The following CNTNAP2 variants were observed in gnomAD, a reference collection of about 807,000 sequenced individuals.
The protein encoded by CNTNAP2 is contactin associated protein 2, also known as contactin-associated protein-like 2.
CNTNAP2 carries 98 observed loss-of-function variants against 155.2 expected under a neutral mutation model. The observed-to-expected ratio is 0.63, with a 90% CI of 0.54 to 0.75. CNTNAP2 has a LOEUF of 0.75. CNTNAP2 is among the 30% of genes least tolerant of loss of function. The pLI is 0.00. For missense variants in CNTNAP2, 1,727 were observed against 1,688.1 expected, an observed-to-expected ratio of 1.02 and a Z score of -0.40; for synonymous variants, 651 against 631.2, an observed-to-expected ratio of 1.03 and a Z score of -0.47.
intron 4 of CNTNAP2, among the ~76,000 whole-genome samples, chr7:147,084,666 A>G (rs1563071119): frequency 6.8e-6 from 1 of 147,416 alleles, no homozygotes; most frequent in African/African-American, 2.5e-5. Context: ...ACTATATAAT[A>G]TATAGCATAT....
intron 13 of CNTNAP2, among the ~76,000 whole-genome samples, chr7:147,667,323 C>A (rs1040886655): frequency 2.0e-5 from 3 of 152,118 alleles, no homozygotes; most frequent in Admixed American, 2.0e-4. Context: ...AAACCAATGC[C>A]TTAAAGCACT....
chr7:146,581,143 A>G (rs1798605466), intron 1 of CNTNAP2, among the ~76,000 whole-genome samples: 1 of 152,072 alleles, frequency 6.6e-6, no homozygotes, highest in South Asian at 2.1e-4. Flanking sequence ...AAACATACGG[A>G]CCCAAGAATT....
intron 8 of CNTNAP2, among the ~76,000 whole-genome samples, chr7:147,279,648 T>C (rs1232274752): frequency 6.6e-6 from 1 of 151,866 alleles, no homozygotes; most frequent in Non-Finnish European, 1.5e-5. Context: ...TTTCCTTATG[T>C]TGCTTCATAA....
chr7:147,909,535 G>A lies in CNTNAP2; in HGVS notation c.2255+5814G>A, dbSNP rs190146290. Among the ~76,000 whole-genome samples, 293 of 152,172 alleles carry A rather than the reference G, an allele frequency of 1.9e-3. 2 individuals carry two copies. The South Asian group carries it at 0.029, about 15-fold the overall frequency. On this transcript the variant is annotated intron_variant, in intron 14 of 23. Coordinates refer to ENST00000361727, the MANE Select transcript of CNTNAP2 (RefSeq NM_014141.6). Reference sequence around the variant, plus strand: ...AATAATTGCCTGATTATCTATGCTGGGAGAAGTTTTGCGCAGTTATTTCTG... The same window carrying A: ...AATAATTGCCTGATTATCTATGCTGAGAGAAGTTTTGCGCAGTTATTTCTG...
chr7:146,461,800 A>G (rs73462749), intron 1 of CNTNAP2, among the ~76,000 whole-genome samples: 1 of 152,192 alleles, frequency 6.6e-6, no homozygotes, highest in East Asian at 1.9e-4. Flanking sequence ...TAAAAGTCAC[A>G]TAATGCTTTC....
intron 1 of CNTNAP2, among the ~76,000 whole-genome samples, chr7:146,690,539 AAAT>A (rs1800680900): frequency 6.6e-6 from 1 of 152,164 alleles, no homozygotes; most frequent in Non-Finnish European, 1.5e-5. Context: ...AGATTTAAAT[AAAT>A]GTTTTGTATA....
At chr7:146,504,632 C>T (rs1049422155) in intron 1 of CNTNAP2, among the ~76,000 whole-genome samples, 2 of 152,138 alleles carry the variant, frequency 1.3e-5, no homozygotes, top group Non-Finnish European at 2.9e-5. Context: ...ACACCTGCTC[C>T]AGGGATGGTT....
intron 9 of CNTNAP2, among the ~76,000 whole-genome samples, chr7:147,342,849 G>T (rs1433238491): frequency 2.0e-5 from 3 of 152,036 alleles, no homozygotes; most frequent in African/African-American, 7.2e-5. Flanking sequence ...AACTAAGGGT[G>T]CTCCCAAAGT....
intron 12 of CNTNAP2, among the ~76,000 whole-genome samples, chr7:147,602,195 T>C (rs962429894): frequency 6.6e-6 from 1 of 152,076 alleles, no homozygotes; most frequent in African/African-American, 2.4e-5. Context: ...AAAAAAATGC[T>C]ACCTGTTGAA....
chr7:148,112,088 T>G (rs1045933396), intron 15 of CNTNAP2, among the ~76,000 whole-genome samples: 1 of 152,116 alleles, frequency 6.6e-6, no homozygotes, highest in Non-Finnish European at 1.5e-5. Context: ...AGAAGATGCC[T>G]CCAGGGGACA....
intron 13 of CNTNAP2, among the ~76,000 whole-genome samples, chr7:147,879,281 C>T (rs771806211): frequency 1.6e-4 from 24 of 152,196 alleles, no homozygotes; most frequent in African/African-American, 2.7e-4. Context: ...TGGACTTTGA[C>T]GACGAAGGCA....
chr7:147,752,638 T>G (rs1041490397), intron 13 of CNTNAP2, among the ~76,000 whole-genome samples: 18 of 152,180 alleles, frequency 1.2e-4, no homozygotes, highest in Non-Finnish European at 2.6e-4. Flanking sequence ...GGTAGATATT[T>G]GAAGTTGTGG....
At chr7:148,059,378 G>T (rs1375705871) in intron 15 of CNTNAP2, among the ~76,000 whole-genome samples, 2 of 152,044 alleles carry the variant, frequency 1.3e-5, no homozygotes, top group Non-Finnish European at 2.9e-5. Flanking sequence ...GATCACCTGA[G>T]GTCAGGAGTT....
intron 12 of CNTNAP2, among the ~76,000 whole-genome samples, chr7:147,617,526 T>C (rs1429427358): frequency 6.6e-6 from 1 of 152,118 alleles, no homozygotes; most frequent in Non-Finnish European, 1.5e-5. Flanking sequence ...TTTTAAAAAG[T>C]CTAAAATAGT....
intron 3 of CNTNAP2, among the ~76,000 whole-genome samples, chr7:147,012,217 A>G (rs1280311530): frequency 2.0e-5 from 3 of 152,114 alleles, no homozygotes; most frequent in East Asian, 3.9e-4. Context: ...TAATTGGGGA[A>G]CTCTAAATAA....
intron 13 of CNTNAP2, among the ~76,000 whole-genome samples, chr7:147,806,848 G>T (rs1490359786): frequency 6.6e-6 from 1 of 152,140 alleles, no homozygotes; most frequent in African/African-American, 2.4e-5. Context: ...CTTTAGGAAG[G>T]GTAGTGGGGA....
chr7:148,368,220 A>T (rs1163461821), intron 21 of CNTNAP2, among the ~76,000 whole-genome samples: 1 of 152,108 alleles, frequency 6.6e-6, no homozygotes. Flanking sequence ...ACCAATTCGC[A>T]GGGGGACACA....
chr7:147,118,049 A>G (rs1236856931), intron 5 of CNTNAP2, among the ~76,000 whole-genome samples: 1 of 152,184 alleles, frequency 6.6e-6, no homozygotes, highest in Non-Finnish European at 1.5e-5. Flanking sequence ...ATACCAAGAC[A>G]TTAGGAGAAA....
chr7:147,142,813 A>G (rs1189528836), intron 8 of CNTNAP2, among the ~76,000 whole-genome samples: 1 of 152,140 alleles, frequency 6.6e-6, no homozygotes, highest in East Asian at 1.9e-4. Flanking sequence ...TGCACAAACT[A>G]TGCTCCACTG....
Sources: allele counts gnomAD v4.1 joint callset (sites outside exome capture counted in the v4.1 genomes callset), GRCh38; gene constraint gnomAD v4.1.1; transcripts MANE v1.5; gene names NCBI Gene and HGNC (gene_info 2026-07-23, HGNC 2026-07-21).